Variants in PUDP observed in about 807,000 individuals in gnomAD.
PUDP encodes pseudouridine 5'-phosphatase.
In PUDP, 8 loss-of-function variants were observed where a neutral mutation model predicts 9.4. That is an observed-to-expected ratio of 0.85 (90% confidence interval 0.50 to 1.53). PUDP has a LOEUF of 1.53. Ranked by LOEUF, PUDP falls within the 40% of genes most tolerant of loss-of-function variation. The probability of loss-of-function intolerance (pLI) is 0.00; values close to 1 mark genes in which losing one functional copy is unlikely to be tolerated. For synonymous variants in PUDP, 99 were observed against 80.7 expected, an observed-to-expected ratio of 1.23 and a Z score of -1.22; for missense variants, 188 against 189.7, an observed-to-expected ratio of 0.99 and a Z score of 0.05.
chrX:7,069,892 TAA>T (rs1448779070), intron 3 of PUDP, among the ~76,000 whole-genome samples: 1 of 112,245 alleles, frequency 8.9e-6, no homozygotes. Flanking sequence ...TTAGTTTTCC[TAA>T]AAGTTTTCCT....
chrX:6,728,104 T>C (rs7057253), intron 3 of PUDP, among the ~76,000 whole-genome samples: 4,511 of 111,085 alleles, frequency 0.041, 209 homozygotes, highest in African/African-American at 0.14. Flanking sequence ...GCAAAAGGCA[T>C]GTGTTACATG....
chrX:7,125,201 C>T (rs1932453132), intron 1 of PUDP, among the ~76,000 whole-genome samples: 1 of 111,402 alleles, frequency 9.0e-6, no homozygotes, highest in Non-Finnish European at 1.9e-5. Context: ...CAAACCCCAG[C>T]ATGCTAGGCC....
chrX:6,992,064 A>G lies in PUDP; in HGVS notation c.205-13721T>C, dbSNP rs184005670. Among the ~76,000 whole-genome samples, 10 of 110,571 alleles carry G rather than the reference A, an allele frequency of 9.0e-5. No individual in the cohort carries two copies. The East Asian group carries it at 2.6e-3, about 28-fold the overall frequency. On this transcript the variant is annotated intron_variant and NMD_transcript_variant, in intron 1 of 3. Coordinates refer to the PUDP transcript ENST00000655425. ...TGTCATAGTTATGCTAATGACATGT[A>G]TTCTATTTTATTTTTACTTAGAGAC...
intron 3 of PUDP, among the ~76,000 whole-genome samples, chrX:6,751,765 G>A (rs765439828): frequency 4.5e-5 from 5 of 111,392 alleles, no homozygotes; most frequent in African/African-American, 9.8e-5. Flanking sequence ...GATATTTTGA[G>A]TGCAAAAACC....
At chrX:6,952,388 T>C (rs1249701126) in intron 3 of PUDP, among the ~76,000 whole-genome samples, 1 of 112,266 alleles carries the variant, frequency 8.9e-6, no homozygotes, top group African/African-American at 3.2e-5. Context: ...TCGTCAAAAC[T>C]ATGAAACCAT....
At chrX:6,727,153 A>G (rs904393714) in intron 3 of PUDP, among the ~76,000 whole-genome samples, 1 of 111,523 alleles carries the variant, frequency 9.0e-6, no homozygotes, top group Non-Finnish European at 1.9e-5. Context: ...AAAATCATAA[A>G]ACTGATAAAC....
chrX:6,874,417 G>C (rs1350340296), intron 3 of PUDP, among the ~76,000 whole-genome samples: 7 of 112,216 alleles, frequency 6.2e-5, no homozygotes, highest in Non-Finnish European at 1.3e-4. Flanking sequence ...AATTGTTTCA[G>C]ACCAAGTAGA....
At chrX:6,775,414 A>G (rs1467773421) in intron 3 of PUDP, among the ~76,000 whole-genome samples, 1 of 111,063 alleles carries the variant, frequency 9.0e-6, no homozygotes, top group East Asian at 2.8e-4. Flanking sequence ...ATTCATTTAC[A>G]TGTCTTTGGA....
intron 3 of PUDP, among the ~76,000 whole-genome samples, chrX:6,975,173 G>C (rs1928934449): frequency 9.1e-6 from 1 of 109,811 alleles, no homozygotes; most frequent in Non-Finnish European, 1.9e-5. Context: ...CTTTAGCTCA[G>C]AGGAGTTTGT....
intron 3 of PUDP, among the ~76,000 whole-genome samples, chrX:6,899,956 T>C (rs1927650732): frequency 9.0e-6 from 1 of 111,687 alleles, no homozygotes; most frequent in East Asian, 2.8e-4. Flanking sequence ...CTCACACCTG[T>C]AATCCCAGCA....
chrX:7,016,238 C>T (rs1173427929), intron 1 of PUDP, among the ~76,000 whole-genome samples: 1 of 110,627 alleles, frequency 9.0e-6, no homozygotes, highest in African/African-American at 3.3e-5. Context: ...GAGGCTGAGG[C>T]GGGAGGACTG....
At chrX:6,749,373 C>T (rs1181808789) in intron 3 of PUDP, among the ~76,000 whole-genome samples, 2 of 110,708 alleles carry the variant, frequency 1.8e-5, no homozygotes, top group African/African-American at 3.3e-5. Context: ...GTATATGGTT[C>T]GATTGATCTG....
chrX:7,117,930 T>C (rs1377252544), intron 1 of PUDP, among the ~76,000 whole-genome samples: 1 of 113,305 alleles, frequency 8.8e-6, no homozygotes, highest in African/African-American at 3.2e-5. Flanking sequence ...AGGGAGCTCA[T>C]CCTGGTGCTC....
chrX:6,807,669 G>T (rs1309876395), intron 3 of PUDP, among the ~76,000 whole-genome samples: 1 of 111,989 alleles, frequency 8.9e-6, no homozygotes, highest in African/African-American at 3.2e-5. Context: ...TCTCTTTTCA[G>T]GACAGCTGAA....
intron 1 of PUDP, among the ~76,000 whole-genome samples, chrX:7,038,986 G>A (rs752758089): frequency 8.1e-5 from 9 of 111,278 alleles, no homozygotes; most frequent in African/African-American, 2.9e-4. Context: ...CTGGAGTATA[G>A]TGGCACAATC....
chrX:6,976,723 A>G (rs893941294), intron 3 of PUDP, among the ~76,000 whole-genome samples: 1 of 111,766 alleles, frequency 8.9e-6, no homozygotes, highest in Middle Eastern at 4.6e-3. Flanking sequence ...TTCCTTAGAG[A>G]ATTCTGAATG....
chrX:6,802,369 T>C (rs1315252366), intron 3 of PUDP, among the ~76,000 whole-genome samples: 1 of 111,479 alleles, frequency 9.0e-6, no homozygotes, highest in African/African-American at 3.3e-5. Context: ...ATGAGCATCG[T>C]AATGCCGGCC....
At chrX:7,076,395 A>C (rs980636563) in intron 3 of PUDP, among the ~76,000 whole-genome samples, 1 of 111,661 alleles carries the variant, frequency 9.0e-6, no homozygotes, top group Non-Finnish European at 1.9e-5. Context: ...AGCTGCTTAC[A>C]CTTACATCGC....
intron 3 of PUDP, among the ~76,000 whole-genome samples, chrX:6,804,749 G>T: frequency 9.0e-6 from 1 of 111,539 alleles, no homozygotes; most frequent in Non-Finnish European, 1.9e-5. Context: ...TTCACTCATT[G>T]AACTCAGAAT....
Sources: allele counts gnomAD v4.1 joint callset (sites outside exome capture counted in the v4.1 genomes callset), GRCh38; gene constraint gnomAD v4.1.1; transcripts MANE v1.5; gene names NCBI Gene and HGNC (gene_info 2026-07-23, HGNC 2026-07-21).